CAMKV: variants seen among roughly 807,000 people sequenced by gnomAD.
CAMKV encodes the protein CaM kinase like vesicle associated.
A neutral mutation model predicts 50.2 loss-of-function variants in CAMKV; 5 were observed. That is an observed-to-expected ratio of 0.10 (90% CI 0.05 to 0.21). The LOEUF (loss-of-function observed/expected upper bound fraction) is 0.21, where lower values mean the gene tolerates loss of function less well. Ranked by LOEUF, CAMKV falls within the 10% of genes least tolerant of loss-of-function variation. The probability of loss-of-function intolerance (pLI) is 1.00; values close to 1 mark genes in which losing one functional copy is unlikely to be tolerated. For synonymous variants in CAMKV, 229 were observed against 250.1 expected, an observed-to-expected ratio of 0.92 and a Z score of 0.80; for missense variants, 361 against 650.5, an observed-to-expected ratio of 0.55 and a Z score of 4.84.
Position 49,860,897 on chromosome 3 carries a change from C to A in CAMKV, c.639-45G>T, listed in dbSNP as rs1267644923. 3 of 1,613,782 alleles carry A rather than the reference C, an allele frequency of 1.9e-6. No individual in the cohort carries two copies. Among genetic ancestry groups the A allele is most frequent in the Non-Finnish European group, 2.5e-6 (3 of 1,179,782 alleles). ...CACAGAAAGGCCACAGACACATGCCCCCACCCCATCTGACTGCAAGCCTGC... is the reference window on the plus strand; with the variant it reads ...CACAGAAAGGCCACAGACACATGCCACCACCCCATCTGACTGCAAGCCTGC... On this transcript the variant is annotated intron_variant, in intron 7 of 10. Transcript: ENST00000477224. The surrounding 1 kb of genome is among the most constrained non-coding windows in gnomAD (Gnocchi z 6.1).
chr3:49,867,644 T>C (rs909953894), intron 1 of CAMKV, among the ~76,000 whole-genome samples: 10 of 152,040 alleles, frequency 6.6e-5, no homozygotes, highest in Non-Finnish European at 1.3e-4. Flanking sequence ...GTTGGTCAGG[T>C]CCCTTCTTCA....
At position 49,859,823 on chromosome 3, in the gene CAMKV, G is replaced by C; in HGVS notation, c.1001C>G (p.Thr334Arg). 6.5e-7 allele frequency: 1 copy of C among 1,535,716 alleles called. No individual in the cohort carries two copies. Among genetic ancestry groups the C allele is most frequent in the Non-Finnish European group, 8.7e-7 (1 of 1,146,694 alleles). The stretch of plus-strand genomic sequence containing the variant: ...GGCTGAGGCCGACTGGGCTGCAGCC[G>C]TGCTGGACTGCTCTGGTGCCCGGAG... ...KRLRAPEQSSTAAAQSASATD... is the reference protein window; with the variant it reads ...KRLRAPEQSSRAAAQSASATD... Residue 334 changes from threonine to arginine, a missense_variant, in exon 11 of 11, where the codon ACG becomes AGG. Thr to Arg is a moderately conservative substitution (Grantham distance 71). Transcript: ENST00000477224. This position sits in a 1 kb window ranked among gnomAD's most constrained non-coding sequence, Gnocchi z 5.5.
rs746473174 is a variant in CAMKV, at chr3:49,861,747, GC to G, written c.302+43del. The stretch of plus-strand genomic sequence containing the variant: ...GCTGCAGAGGGTGGGACAGGTGAAA[GC>G]CCTGGGCGCTGGGGAATCTTGGGTC... On this transcript the variant is annotated intron_variant, in intron 4 of 10. Transcript: ENST00000477224. This position sits in a 1 kb window ranked among gnomAD's most constrained non-coding sequence, Gnocchi z 7.7. 5 of 1,607,468 alleles carry G rather than the reference GC, an allele frequency of 3.1e-6. No homozygotes were observed. In the African/African-American group the frequency reaches 6.7e-5, roughly 21 times the overall value.
At chr3:49,865,302 T>G (rs2108332614) in intron 1 of CAMKV, among the ~76,000 whole-genome samples, 1 of 152,182 alleles carries the variant, frequency 6.6e-6, no homozygotes, top group East Asian at 1.9e-4. Context: ...CCATAACAGC[T>G]GCAGGAGGGG....
Position 49,859,247 on chromosome 3 carries a change from CA to C in CAMKV, c.*70del. ...GGCATCATGCCAGTGACTCTATGTA[CA>C]GTGAGAAGCCCCTCATCCACTCTCC... is the stretch of plus-strand genomic sequence containing the variant. On this transcript the variant is annotated 3_prime_UTR_variant, in exon 11 of 11. Coordinates refer to ENST00000477224, the MANE Select transcript of CAMKV (RefSeq NM_024046.5). This position sits in a 1 kb window ranked among gnomAD's most constrained non-coding sequence, Gnocchi z 5.5. The C allele has an allele frequency of 7.5e-7, 1 of 1,338,966 alleles. No homozygotes were observed. Among genetic ancestry groups the C allele is most frequent in the Non-Finnish European group, 1.0e-6 (1 of 986,434 alleles). 82.9% of individuals were successfully genotyped at this position (1,338,966 alleles called of 1,614,324 possible).
At chr3:49,868,787 G>T (rs1433679439) in intron 1 of CAMKV, among the ~76,000 whole-genome samples, 4 of 152,300 alleles carry the variant, frequency 2.6e-5, no homozygotes, top group East Asian at 1.9e-4. Context: ...CCTGGACTTG[G>T]GGGTAAGGGG....
rs2082088822 is a variant in CAMKV, at chr3:49,869,343, A to T, written c.-15+415T>A. On this transcript the variant is annotated intron_variant, in intron 1 of 10. Coordinates refer to ENST00000477224, the MANE Select transcript of CAMKV (RefSeq NM_024046.5). The surrounding 1 kb of genome is among the most constrained non-coding windows in gnomAD (Gnocchi z 5.2). ...CCCAGCCCCCTCCGGGTTGTCGCCC[A>T]TAAAGAACTCTCCGTTGTCATGGAA... Among the ~76,000 whole-genome samples, 1 of 152,008 alleles carries T rather than the reference A, an allele frequency of 6.6e-6. No individual in the cohort carries two copies. Among genetic ancestry groups the T allele is most frequent in the South Asian group, 2.1e-4 (1 of 4,810 alleles).
rs774952824 is a variant in CAMKV at position 49,860,713 on chromosome 3, C to T, written c.775+3G>A. On this transcript the variant is annotated splice_donor_region_variant and intron_variant, in intron 8 of 10. Transcript: ENST00000477224. This position sits in a 1 kb window ranked among gnomAD's most constrained non-coding sequence, Gnocchi z 6.1. ...ACCAAGTGCTGGGCAGGCACCTCCT[C>T]ACCTGCCTGCGAAATATCATCCCAA... 3 of 1,614,098 alleles carry T rather than the reference C, an allele frequency of 1.9e-6. No homozygotes were observed. The South Asian group carries it at 3.3e-5, about 18-fold the overall frequency.
Position 49,859,990 on chromosome 3 carries a change from C to A in CAMKV, c.943-109G>T. ...TAGTACCCCCGGCCACCTCCATCCA[C>A]CCCAGGGCCAAGTACTCAGCTGCTC... On this transcript the variant is annotated intron_variant, in intron 10 of 10. Transcript: ENST00000477224. The surrounding 1 kb of genome is among the most constrained non-coding windows in gnomAD (Gnocchi z 5.5). 2 of 1,153,784 alleles carry A rather than the reference C, an allele frequency of 1.7e-6. No individual in the cohort carries two copies. Among genetic ancestry groups the A allele is most frequent in the Non-Finnish European group, 1.2e-6 (1 of 828,860 alleles). The allele number at this position is 1,153,784 out of a possible 1,614,324, so 71.5% of individuals were successfully genotyped here.
Position 49,862,886 on chromosome 3 carries a change from C to T in CAMKV, c.-14-484G>A, listed in dbSNP as rs779317456. On this transcript the variant is annotated intron_variant, in intron 1 of 10. Transcript: ENST00000477224. This position sits in a 1 kb window ranked among gnomAD's most constrained non-coding sequence, Gnocchi z 5.2. ...AACCACTAAAGTCAAACAAACATAC[C>T]CTATGAACCAGCAATTGCACTCCTA... Among the ~76,000 whole-genome samples the T allele has an allele frequency of 1.4e-4, 21 of 152,156 alleles. No homozygotes were observed. The highest frequency in any genetic ancestry group is 2.8e-4 in the Non-Finnish European group (19 of 68,036).
In CAMKV at chr3:49,862,456, C is replaced by T. The variant is rs1385195059; in HGVS notation, c.-14-54G>A. 5.4e-6 allele frequency: 8 copies of T among 1,491,744 alleles called. No individual in the cohort carries two copies. Among genetic ancestry groups the T allele is most frequent in the African/African-American group, 1.4e-5 (1 of 72,608 alleles). 92.4% of individuals were successfully genotyped at this position (1,491,744 alleles called of 1,614,324 possible). On this transcript the variant is annotated intron_variant, in intron 1 of 10. Coordinates refer to ENST00000477224, the MANE Select transcript of CAMKV (RefSeq NM_024046.5). The surrounding 1 kb of genome is among the most constrained non-coding windows in gnomAD (Gnocchi z 5.2). ...TGTACTACTCTCCACTTCCCCACAA[C>T]ATAGGGGCTGCTTTTGGGAGACCCC...
chr3:49,868,665 C>T (rs907254104), intron 1 of CAMKV, among the ~76,000 whole-genome samples: 39 of 152,202 alleles, frequency 2.6e-4, no homozygotes, highest in African/African-American at 8.4e-4. Flanking sequence ...GTGGAGACAC[C>T]AGTTCCCCAG....
In CAMKV at chr3:49,858,160, C is replaced by G. The variant is rs2081992209; in HGVS notation, c.*1158G>C. 2.5e-6 allele frequency: 1 copy of G among 397,322 alleles called. No individual in the cohort carries two copies. The highest frequency in any genetic ancestry group is 1.4e-4 in the South Asian group (1 of 7,128). 24.6% of individuals were successfully genotyped at this position (397,322 alleles called of 1,614,324 possible). Reference sequence around the variant, plus strand: ...CTGCCTATCCAGGCTGTGGTAGGGTCTGACAAAGGGCACCTGTCAGGAGCC... The same window carrying G: ...CTGCCTATCCAGGCTGTGGTAGGGTGTGACAAAGGGCACCTGTCAGGAGCC... On this transcript the variant is annotated 3_prime_UTR_variant, in exon 11 of 11. Coordinates refer to ENST00000477224, the MANE Select transcript of CAMKV (RefSeq NM_024046.5).
At position 49,860,695 on chromosome 3, in the gene CAMKV, G is replaced by C; in HGVS notation, c.775+21C>G. 6.2e-7 allele frequency: 1 copy of C among 1,613,840 alleles called. No individual in the cohort carries two copies. Among genetic ancestry groups the C allele is most frequent in the Non-Finnish European group, 8.5e-7 (1 of 1,179,836 alleles). Reference sequence around the variant, plus strand: ...CCCACTCCCTTGCGTTCTACCAAGTGCTGGGCAGGCACCTCCTCACCTGCC... The same window carrying C: ...CCCACTCCCTTGCGTTCTACCAAGTCCTGGGCAGGCACCTCCTCACCTGCC... On this transcript the variant is annotated intron_variant, in intron 8 of 10. Coordinates refer to ENST00000477224, the MANE Select transcript of CAMKV (RefSeq NM_024046.5). The surrounding 1 kb of genome is among the most constrained non-coding windows in gnomAD (Gnocchi z 6.1).
rs1184094297 is a variant in CAMKV, at chr3:49,857,998, G to A, written c.*1320C>T. On this transcript the variant is annotated 3_prime_UTR_variant, in exon 11 of 11. Coordinates refer to ENST00000477224, the MANE Select transcript of CAMKV (RefSeq NM_024046.5). ...CGAGAGGGTGGCCAGAGGCTTTGCA[G>A]GGTGATGTTTATTTGCCAGGTTCAG... The A allele has an allele frequency of 2.9e-6, 1 of 345,216 alleles. No homozygotes were observed. The highest frequency in any genetic ancestry group is 4.8e-5 in the Admixed American group (1 of 20,980). The allele number at this position is 345,216 out of a possible 1,614,324, so 21.4% of individuals were successfully genotyped here.
rs541173206 is a variant in CAMKV at position 49,858,580 on chromosome 3, T to TA, written c.*737dup. 21 of 382,202 alleles carry TA rather than the reference T, an allele frequency of 5.5e-5. No individual in the cohort carries two copies. Among genetic ancestry groups the TA allele is most frequent in the Non-Finnish European group, 9.7e-5 (21 of 216,444 alleles). 23.7% of individuals were successfully genotyped at this position (382,202 alleles called of 1,614,324 possible). A position where few individuals can be genotyped will look rare whatever the true frequency, so the allele number is the denominator to read the frequency against. On this transcript the variant is annotated 3_prime_UTR_variant, in exon 11 of 11. Coordinates refer to ENST00000477224, the MANE Select transcript of CAMKV (RefSeq NM_024046.5). Reference sequence around the variant, plus strand: ...CGTCCTAATTGTTCCTCCTTTCCCTTAGAGGCTCATGAGGTTCAGGGTACA... The same window carrying TA: ...CGTCCTAATTGTTCCTCCTTTCCCTTAAGAGGCTCATGAGGTTCAGGGTACA...
At position 49,861,704 on chromosome 3, in the gene CAMKV, A is replaced by G. The variant is rs1405609922; in HGVS notation, c.302+87T>C. On this transcript the variant is annotated intron_variant, in intron 4 of 10. Transcript: ENST00000477224. This position sits in a 1 kb window ranked among gnomAD's most constrained non-coding sequence, Gnocchi z 7.7. ...CAGGGACCTGGGACGCCAAGGGTCC[A>G]GAAAGGGGGTTTCCTTAGCTGCAGA... 4 of 1,594,848 alleles carry G rather than the reference A, an allele frequency of 2.5e-6. No homozygotes were observed. The highest frequency in any genetic ancestry group is 1.7e-6 in the Non-Finnish European group (2 of 1,164,688).
At chr3:49,865,104 T>C (rs2082053778) in intron 1 of CAMKV, among the ~76,000 whole-genome samples, 1 of 152,250 alleles carries the variant, frequency 6.6e-6, no homozygotes, top group Non-Finnish European at 1.5e-5. Context: ...CAGACAGGGT[T>C]TAAGCCATCT....
Position 49,859,336 on chromosome 3 carries a change from T to C in CAMKV, c.1488A>G (p.Gln496=). The stretch of plus-strand genomic sequence containing the variant: ...TGCCTACTCAGCTGGCCTCCTCCCT[T>C]TGAGACTCCTGGGCATAACCAGCAG... The part of the protein sequence containing the change: ...EEAAGYAQES[Q]REEAS Residue 496 remains glutamine, a synonymous_variant, in exon 11 of 11, where the codon CAA becomes CAG. Coordinates refer to ENST00000477224, the MANE Select transcript of CAMKV (RefSeq NM_024046.5). The surrounding 1 kb of genome is among the most constrained non-coding windows in gnomAD (Gnocchi z 5.5). 1.3e-6 allele frequency: 2 copies of C among 1,534,130 alleles called. No individual in the cohort carries two copies. The highest frequency in any genetic ancestry group is 1.8e-6 in the Non-Finnish European group (2 of 1,141,066).
Sources: gnomAD v4.1 joint callset for allele counts (sites outside exome capture counted in the v4.1 genomes callset) on GRCh38, gnomAD v4.1.1 for gene constraint, Gnocchi (gnomAD v3.1) non-coding constraint, MANE v1.5 for transcripts, NCBI Gene and HGNC (gene_info 2026-07-23, HGNC 2026-07-21) for gene names.